Variants in PYY observed in about 807,000 individuals in gnomAD.
The protein encoded by PYY is peptide YY.
PYY carries 12 observed loss-of-function variants against 10.3 expected under a neutral mutation model. The ratio of observed to expected loss-of-function variants is 1.17; its 90% CI spans 0.75 to 1.89. The LOEUF (loss-of-function observed/expected upper bound fraction) is 1.89. Ranked by LOEUF, PYY falls within the 40% of genes most tolerant of loss-of-function variation. The pLI is 0.00. For synonymous variants in PYY, 66 were observed against 62.0 expected, an observed-to-expected ratio of 1.06 and a Z score of -0.30; for missense variants, 141 against 134.0, an observed-to-expected ratio of 1.05 and a Z score of -0.26.
chr17:43,961,709 T>C (rs2048714186), intron 2 of PYY, among the ~76,000 whole-genome samples: 1 of 151,978 alleles, frequency 6.6e-6, no homozygotes, highest in Non-Finnish European at 1.5e-5. Context: ...CCCGGCTAAG[T>C]TTTGTATTTT....
intron 1 of PYY, among the ~76,000 whole-genome samples, chr17:43,970,316 T>C (rs1334509399): frequency 6.6e-6 from 1 of 150,664 alleles, no homozygotes; most frequent in Non-Finnish European, 1.5e-5. Context: ...AAGATCAGCC[T>C]GGGCAACATG....
At chr17:43,963,494 T>C (rs1473333021) in intron 2 of PYY, among the ~76,000 whole-genome samples, 10 of 92,052 alleles carry the variant, frequency 1.1e-4, no homozygotes, top group African/African-American at 4.2e-4. Flanking sequence ...GGCAGCAGAG[T>C]GAAACTCCAT....
At chr17:43,976,397 G>GTA (rs1555618296) in intron 1 of PYY, among the ~76,000 whole-genome samples, 1 of 136,298 alleles carries the variant, frequency 7.3e-6, no homozygotes, top group African/African-American at 2.7e-5. Context: ...ATACATATAC[G>GTA]TATATACATA....
chr17:43,963,571 AAAG>A (rs1471648419), intron 2 of PYY, among the ~76,000 whole-genome samples: 53 of 28,580 alleles, frequency 1.9e-3, no homozygotes, highest in African/African-American at 6.5e-3. Flanking sequence ...GAAGGAAGGA[AAAG>A]AAAGAAAGAA....
Position 43,976,196 on chromosome 17 carries a change from CATATATACATATACGTAT to C in PYY, c.-462-9682_-462-9665del, listed in dbSNP as rs1567932037. Among the ~76,000 whole-genome samples the C allele has an allele frequency of 5.7e-4, 74 of 130,808 alleles. 3 individuals carry two copies. Among genetic ancestry groups the C allele is most frequent in the African/African-American group, 2.4e-3 (71 of 29,536 alleles). 85.8% of individuals were successfully genotyped at this position (130,808 alleles called of 152,430 possible). A position where few individuals can be genotyped will look rare whatever the true frequency, so the allele number is the denominator to read the frequency against. ...ATATGTATATATACGTATATGTATACATATATACATATACGTATATGTATACATATATACATATGCGTA... is the reference window on the plus strand; with the variant it reads ...ATATGTATATATACGTATATGTATACATGTATACATATATACATATGCGTA... On this transcript the variant is annotated intron_variant, in intron 1 of 6. Coordinates refer to the PYY transcript ENST00000360085.
intron 1 of PYY, among the ~76,000 whole-genome samples, chr17:43,977,073 C>G (rs528853472): frequency 6.6e-6 from 1 of 152,194 alleles, no homozygotes; most frequent in African/African-American, 2.4e-5. Context: ...CATGTCCCCC[C>G]ACCCTGCCTT....
intron 1 of PYY, among the ~76,000 whole-genome samples, chr17:43,976,272 CGT>C (rs1431396078): frequency 2.9e-5 from 4 of 139,778 alleles, no homozygotes; most frequent in African/African-American, 1.1e-4. Context: ...TATACATGTA[CGT>C]ATATATACGC....
At chr17:43,961,303 T>C (rs932010078) in intron 2 of PYY, among the ~76,000 whole-genome samples, 2 of 151,694 alleles carry the variant, frequency 1.3e-5, no homozygotes, top group Admixed American at 1.3e-4. Flanking sequence ...AGCTAATGGC[T>C]GCTGGGCTTA....
chr17:43,953,384 C>G lies in PYY; in HGVS notation c.100G>C (p.Glu34Gln), dbSNP rs373099946. 1.9e-6 allele frequency: 3 copies of G among 1,612,566 alleles called. No homozygotes were observed. The highest frequency in any genetic ancestry group is 2.5e-6 in the Non-Finnish European group (3 of 1,179,540). The change falls in exon 2 of 4, where the codon GAG becomes CAG. Residue 34 changes from glutamate (E) to glutamine (Q), a missense_variant. Transcript: ENST00000692052. ...ALVDAYPIKP[E>Q]APREDASPEE... ...GGCGAGGCGTCTTCGCGGGGAGCCT[C>G]GGGTTTGATGGGGTAGGCGTCGACC... is the stretch of plus-strand genomic sequence containing the variant.
At chr17:43,957,896 A>C (rs1217040457), upstream of PYY, 1 of 154,594 alleles carries the variant, frequency 6.5e-6, no homozygotes, top group Non-Finnish European at 1.5e-5. Context: ...AGGGATTTTC[A>C]CTTTTTATGG....
intron 1 of PYY, among the ~76,000 whole-genome samples, chr17:43,972,496 G>A (rs949108400): frequency 3.3e-5 from 5 of 151,432 alleles, no homozygotes; most frequent in Non-Finnish European, 5.9e-5. Context: ...GATTACAGGC[G>A]TGAGCCGCCA....
At chr17:43,966,702 T>G (rs906560800) in intron 1 of PYY, among the ~76,000 whole-genome samples, 1 of 152,238 alleles carries the variant, frequency 6.6e-6, no homozygotes, top group Non-Finnish European at 1.5e-5. Flanking sequence ...TAGCATTCTA[T>G]GTAATTGACT....
intron 2 of PYY, among the ~76,000 whole-genome samples, chr17:43,961,886 C>T (rs544907247): frequency 2.6e-5 from 4 of 152,144 alleles, no homozygotes; most frequent in Non-Finnish European, 5.9e-5. Flanking sequence ...TGCCTCCAAA[C>T]TCAGCTATCT....
chr17:43,968,150 C>T (rs74860043), intron 1 of PYY, among the ~76,000 whole-genome samples: 1,700 of 152,030 alleles, frequency 0.011, 34 homozygotes, highest in African/African-American at 0.039. Context: ...TATGGGAGGC[C>T]GAGGTGGATC....
intron 1 of PYY, among the ~76,000 whole-genome samples, chr17:43,981,528 C>T (rs1024097454): frequency 4.0e-4 from 60 of 151,772 alleles, no homozygotes; most frequent in African/African-American, 1.4e-3. Context: ...CTCACTCTGT[C>T]GCCCAGGCTG....
intron 1 of PYY, among the ~76,000 whole-genome samples, chr17:43,990,501 T>C (rs1385715969): frequency 6.8e-6 from 1 of 146,924 alleles, no homozygotes; most frequent in African/African-American, 2.5e-5. Flanking sequence ...GCATTAAAAA[T>C]ATTCATGCAC....
intron 1 of PYY, among the ~76,000 whole-genome samples, chr17:43,975,380 G>A (rs2143925891): frequency 6.6e-6 from 1 of 152,018 alleles, no homozygotes; most frequent in South Asian, 2.1e-4. Flanking sequence ...AAAGAGAATA[G>A]TAAAGCTCGT....
chr17:43,970,669 C>T (rs528375834), intron 1 of PYY, among the ~76,000 whole-genome samples: 1 of 152,282 alleles, frequency 6.6e-6, no homozygotes, highest in South Asian at 2.1e-4. Flanking sequence ...CTAGAACCGC[C>T]AGCATAGTCA....
chr17:43,998,918 A>C (rs57793004), intron 1 of PYY, among the ~76,000 whole-genome samples: 134,934 of 152,130 alleles, frequency 0.89, 60,533 homozygotes, highest in East Asian at 1. Context: ...AGGTAGTTAG[A>C]GACACAGATC....
Sources: gnomAD v4.1 joint callset for allele counts (sites outside exome capture counted in the v4.1 genomes callset) on GRCh38, gnomAD v4.1.1 for gene constraint, MANE v1.5 for transcripts, NCBI Gene and HGNC (gene_info 2026-07-23, HGNC 2026-07-21) for gene names.